MARCHF1: variants seen among roughly 807,000 people sequenced by gnomAD.
MARCHF1 encodes the protein E3 ubiquitin-protein ligase MARCHF1.
In MARCHF1, 40 loss-of-function variants were observed where a neutral mutation model predicts 54.2. The ratio of observed to expected loss-of-function variants is 0.74; its 90% CI spans 0.57 to 0.96. The LOEUF (loss-of-function observed/expected upper bound fraction) is 0.96. MARCHF1 is among the 40% of genes least tolerant of loss of function. The probability of loss-of-function intolerance (pLI) is 0.00; values close to 1 mark genes in which losing one functional copy is unlikely to be tolerated. For missense variants in MARCHF1, 586 were observed against 656.5 expected (o/e 0.89, Z 1.17); for synonymous variants, 236 against 236.3 (o/e 1.00, Z 0.01).
At chr4:163,922,491 T>A (rs1346243445) in intron 3 of MARCHF1, among the ~76,000 whole-genome samples, 6 of 152,182 alleles carry the variant, frequency 3.9e-5, no homozygotes, top group African/African-American at 1.4e-4. Context: ...TACCAAAATA[T>A]CTCTGGCAGT....
In MARCHF1 at chr4:163,609,689, T is replaced by C. The variant is rs563288822; in HGVS notation, c.1010+2582A>G. ...TTATATACACACACATATATATATA[T>C]TTTTTTGCCCTGGAACCTTTTTTAT... On this transcript the variant is annotated intron_variant, in intron 7 of 9. Transcript: ENST00000514618. 1.0e-4 allele frequency among the ~76,000 whole-genome samples: 15 copies of C among 146,158 alleles called. No homozygotes were observed. In the East Asian group the frequency reaches 2.9e-3, roughly 28 times the overall value.
chr4:164,249,844 T>C (rs902564444), intron 1 of MARCHF1, among the ~76,000 whole-genome samples: 7 of 151,768 alleles, frequency 4.6e-5, no homozygotes, highest in African/African-American at 1.7e-4. Flanking sequence ...AAATGATTAT[T>C]TGATGATTAG....
intron 2 of MARCHF1, among the ~76,000 whole-genome samples, chr4:164,087,931 A>G (rs1345979507): frequency 6.6e-6 from 1 of 152,096 alleles, no homozygotes; most frequent in Non-Finnish European, 1.5e-5. Flanking sequence ...TTGCTGCTAC[A>G]CTTGAATGAA....
At chr4:164,309,839 AT>A (rs1298424528) in intron 1 of MARCHF1, among the ~76,000 whole-genome samples, 3 of 152,132 alleles carry the variant, frequency 2.0e-5, no homozygotes, top group African/African-American at 4.8e-5. Flanking sequence ...GTAATGCTAT[AT>A]TTTTTAATAA....
At chr4:163,565,487 G>A (rs1344178962) in intron 8 of MARCHF1, among the ~76,000 whole-genome samples, 2 of 152,186 alleles carry the variant, frequency 1.3e-5, no homozygotes, top group Admixed American at 1.3e-4. Context: ...CTTCTGTTAT[G>A]TCAAGATTGC....
intron 8 of MARCHF1, among the ~76,000 whole-genome samples, chr4:163,548,358 A>G (rs1738981418): frequency 6.9e-6 from 1 of 145,322 alleles, no homozygotes; most frequent in South Asian, 2.2e-4. Context: ...CAATTATAAA[A>G]TTGGCTTAAA....
At chr4:164,240,081 TTGTTCATCTCAAGATC>T (rs1315827233) in intron 1 of MARCHF1, among the ~76,000 whole-genome samples, 10 of 152,180 alleles carry the variant, frequency 6.6e-5, no homozygotes, top group Non-Finnish European at 1.5e-4. Context: ...ATGAAATAGA[TTGTTCATCTCAAGATC>T]TGTATGACTT....
intron 2 of MARCHF1, among the ~76,000 whole-genome samples, chr4:164,054,895 A>T (rs1026936944): frequency 6.6e-5 from 10 of 151,732 alleles, no homozygotes; most frequent in African/African-American, 2.4e-4. Context: ...AACATGCACA[A>T]TGTGCACATG....
intron 3 of MARCHF1, among the ~76,000 whole-genome samples, chr4:163,895,032 G>A (rs1750774301): frequency 6.6e-6 from 1 of 150,600 alleles, no homozygotes; most frequent in African/African-American, 2.5e-5. Context: ...TGCATGTGAT[G>A]CACACATATA....
intron 3 of MARCHF1, among the ~76,000 whole-genome samples, chr4:163,948,142 G>T (rs1752059656): frequency 6.6e-6 from 1 of 152,156 alleles, no homozygotes; most frequent in Non-Finnish European, 1.5e-5. Context: ...TCTATCTGAT[G>T]ACAACAAGGG....
At chr4:164,069,303 G>C (rs557310632) in intron 2 of MARCHF1, among the ~76,000 whole-genome samples, 14 of 152,318 alleles carry the variant, frequency 9.2e-5, no homozygotes, top group Admixed American at 3.3e-4. Flanking sequence ...GGCCAGATAA[G>C]AGAATAAAAG....
Position 163,545,563 on chromosome 4 carries a change from T to C in MARCHF1, c.1339+33A>G, listed in dbSNP as rs1201131438. On this transcript the variant is annotated intron_variant, in intron 9 of 9. Coordinates refer to ENST00000514618, the MANE Select transcript of MARCHF1 (RefSeq NM_001394959.1). ...CCACCTCTGAGTATTGTCTTTAGGA[T>C]CCAAGAGGGTAAGAAGAAAGATGTG... 8 of 1,600,538 alleles carry C rather than the reference T, an allele frequency of 5.0e-6. No homozygotes were observed. In the South Asian group the frequency reaches 7.9e-5, roughly 16 times the overall value.
intron 2 of MARCHF1, among the ~76,000 whole-genome samples, chr4:164,076,231 C>T (rs559461480): frequency 2.6e-4 from 40 of 151,794 alleles, no homozygotes; most frequent in Non-Finnish European, 5.0e-4. Context: ...AAATAAGGAA[C>T]AATGAACAAA....
At chr4:164,170,137 T>C (rs181886193) in intron 1 of MARCHF1, among the ~76,000 whole-genome samples, 8 of 152,150 alleles carry the variant, frequency 5.3e-5, no homozygotes, top group African/African-American at 1.9e-4. Flanking sequence ...TTAGGTCCTA[T>C]GAATATGAGC....
rs1741390183 is a variant in MARCHF1 at position 163,612,864 on chromosome 4, T to TC, written c.416dup (p.Asn141LysfsTer2). 1 of 1,535,458 alleles carries TC rather than the reference T, an allele frequency of 6.5e-7. No homozygotes were observed. The highest frequency in any genetic ancestry group is 8.7e-7 in the Non-Finnish European group (1 of 1,146,520). ...AGATTTGAAGGTGAAAGTCATTTTT[T>TC]CTCCCTCTTATTTGTTCTTCTGCAG... On this transcript the variant is annotated frameshift_variant, in exon 7 of 10. Coordinates refer to ENST00000514618, the MANE Select transcript of MARCHF1 (RefSeq NM_001394959.1). LOFTEE classifies it high-confidence loss of function.
intron 3 of MARCHF1, among the ~76,000 whole-genome samples, chr4:163,907,153 C>T (rs1335119802): frequency 6.6e-6 from 1 of 151,962 alleles, no homozygotes; most frequent in South Asian, 2.1e-4. Flanking sequence ...TATGCTCAAT[C>T]ACATTAACTG....
chr4:164,196,642 TCCTTGGACTAA>T (rs1731266878), intron 1 of MARCHF1, among the ~76,000 whole-genome samples: 3 of 152,224 alleles, frequency 2.0e-5, no homozygotes, highest in African/African-American at 7.2e-5. Flanking sequence ...TAGTGCCTTT[TCCTTGGACTAA>T]AAGGACTATA....
chr4:164,196,138 C>T (rs925483459), intron 1 of MARCHF1, among the ~76,000 whole-genome samples: 1 of 152,020 alleles, frequency 6.6e-6, no homozygotes, highest in African/African-American at 2.4e-5. Context: ...TGACTTGTTG[C>T]TGGTTGTATC....
At position 163,765,639 on chromosome 4, in the gene MARCHF1, G is replaced by A. The variant is rs147133881; in HGVS notation, c.112-64776C>T. 2.8e-3 allele frequency among the ~76,000 whole-genome samples: 420 copies of A among 151,938 alleles called. 2 individuals are homozygous for A. The highest frequency in any genetic ancestry group is 9.8e-3 in the African/African-American group (407 of 41,502). ...TAAATATATAGAGAGAAATACGTAT[G>A]TAGACCTTATTTTTTCAGTGAGCAC... is the stretch of plus-strand genomic sequence containing the variant. On this transcript the variant is annotated intron_variant, in intron 4 of 9. Transcript: ENST00000514618.
Sources: gnomAD v4.1 joint callset for allele counts (sites outside exome capture counted in the v4.1 genomes callset) on GRCh38, gnomAD v4.1.1 for gene constraint, MANE v1.5 for transcripts, NCBI Gene and HGNC (gene_info 2026-07-23, HGNC 2026-07-21) for gene names.